The following NOC3L variants were observed in gnomAD, a reference collection of about 807,000 sequenced individuals.
NOC3L encodes NOC3 like DNA replication regulator.
Under a neutral mutation model 102.5 loss-of-function variants are expected in NOC3L, and 85 were observed. That is an observed-to-expected ratio of 0.83 (90% CI 0.70 to 0.99). The LOEUF is 0.99. NOC3L is among the 50% of genes least tolerant of loss of function. The pLI, the probability that NOC3L is intolerant of heterozygous loss-of-function variation, is 0.00. For missense variants in NOC3L, 878 were observed against 914.9 expected, an observed-to-expected ratio of 0.96 and a Z score of 0.52; for synonymous variants, 303 against 309.4, an observed-to-expected ratio of 0.98 and a Z score of 0.22.
chr10:94,319,173 T>G, the NOC3L span, among the ~76,000 whole-genome samples: 1 of 152,162 alleles, frequency 6.6e-6, no homozygotes, highest in Non-Finnish European at 1.5e-5. Context: ...CTAACAAGAT[T>G]TTTCTGATAA....
intron 13 of NOC3L, among the ~76,000 whole-genome samples, chr10:94,342,582 ACACG>A (rs1220285457): frequency 7.1e-6 from 1 of 139,952 alleles, no homozygotes; most frequent in Non-Finnish European, 1.6e-5. Flanking sequence ...ACACACACAC[ACACG>A]TGCGCAAGTA....
intron 20 of NOC3L, 43 bp downstream of exon 20, chr10:94,334,591 G>T: frequency 7.2e-7 from 1 of 1,388,014 alleles, no homozygotes; most frequent in South Asian, 1.2e-5. Flanking sequence ...GAGATACATT[G>T]GTTTCTATTT....
At chr10:94,347,903 T>TG (rs1385673574) in intron 10 of NOC3L, among the ~76,000 whole-genome samples, 9 of 151,952 alleles carry the variant, frequency 5.9e-5, no homozygotes, top group Non-Finnish European at 8.8e-5. Flanking sequence ...AAGTGAAAAA[T>TG]GGATTCTAAA....
intron 13 of NOC3L, among the ~76,000 whole-genome samples, chr10:94,343,052 C>A (rs1193839566): frequency 6.6e-6 from 1 of 150,814 alleles, no homozygotes; most frequent in Non-Finnish European, 1.5e-5. Flanking sequence ...TCACTGCAAC[C>A]CAGCCTGAGC....
intron 11 of NOC3L, among the ~76,000 whole-genome samples, chr10:94,345,701 CTATTT>C (rs2054335135): frequency 6.6e-6 from 1 of 152,090 alleles, no homozygotes; most frequent in South Asian, 2.1e-4. Context: ...ATTATTAAGT[CTATTT>C]TGATACTTCC....
At chr10:94,341,077 T>C (rs2054279266) in intron 14 of NOC3L, among the ~76,000 whole-genome samples, 1 of 151,168 alleles carries the variant, frequency 6.6e-6, no homozygotes, top group African/African-American at 2.4e-5. Context: ...AAGGCTAAAG[T>C]GGGAGGATCA....
chr10:94,351,366 G>A (rs1219836951), intron 8 of NOC3L, among the ~76,000 whole-genome samples: 1 of 151,964 alleles, frequency 6.6e-6, no homozygotes, highest in East Asian at 1.9e-4. Context: ...TAGGCCAAAT[G>A]AAAACACCTG....
intron 5 of NOC3L, 107 bp downstream of exon 5, chr10:94,356,428 C>A (rs1317558595): frequency 2.8e-6 from 2 of 710,440 alleles, no homozygotes; most frequent in Non-Finnish European, 5.0e-6. Flanking sequence ...TTGAAATGAG[C>A]AGTACTCCAA....
intron 5 of NOC3L, 125 bp from the exon 6 acceptor site, chr10:94,355,218 C>T (rs1270880993): frequency 1.4e-6 from 1 of 724,946 alleles, no homozygotes; most frequent in East Asian, 2.8e-5. Flanking sequence ...TACTACTACA[C>T]ATCATCTCCT....
In NOC3L at chr10:94,352,628, C is replaced by T. The variant is rs965837306; in HGVS notation, c.859-225G>A. 2.6e-5 allele frequency among the ~76,000 whole-genome samples: 4 copies of T among 152,186 alleles called. No individual in the cohort carries two copies. The East Asian group carries it at 5.8e-4, about 22-fold the overall frequency. ...CCTGAGGTCAGGTGTTTGAGACCAGCCTGGCCAACGTGGGGAAACCCCGTC... is the reference window on the plus strand; with the variant it reads ...CCTGAGGTCAGGTGTTTGAGACCAGTCTGGCCAACGTGGGGAAACCCCGTC... On this transcript the variant is annotated intron_variant, in intron 7 of 20. Transcript: ENST00000371361.
chr10:94,315,932 A>G, the NOC3L span, among the ~76,000 whole-genome samples: 1 of 152,022 alleles, frequency 6.6e-6, no homozygotes, highest in Admixed American at 6.6e-5. Context: ...TAAGTATCTT[A>G]CCCAATAATT....
In NOC3L at chr10:94,340,562, T is replaced by C. The variant is rs572533102; in HGVS notation, c.1645-66A>G. 33 of 1,390,384 alleles carry C rather than the reference T, an allele frequency of 2.4e-5. No homozygotes were observed. The South Asian group carries it at 3.7e-4, about 16-fold the overall frequency. The allele number at this position is 1,390,384 out of a possible 1,614,324, so 86.1% of individuals were successfully genotyped here. A position where few individuals can be genotyped will look rare whatever the true frequency, so the allele number is the denominator to read the frequency against. On this transcript the variant is annotated intron_variant, in intron 14 of 20. Coordinates refer to ENST00000371361, the MANE Select transcript of NOC3L (RefSeq NM_022451.11). ...AAGAATGGTAATTGCCATTTATAGC[T>C]TTAAAAAAGAACTTTAAGGCCAGGA...
chr10:94,346,014 TAAAC>T (rs1263753411), intron 11 of NOC3L, among the ~76,000 whole-genome samples: 1 of 152,112 alleles, frequency 6.6e-6, no homozygotes, highest in Non-Finnish European at 1.5e-5. Flanking sequence ...TTTCAGTAAA[TAAAC>T]AAGCGGCTGA....
chr10:94,349,998 T>A, intron 9 of NOC3L, 115 bp downstream of exon 9: 1 of 876,888 alleles, frequency 1.1e-6, no homozygotes, highest in Non-Finnish European at 1.8e-6. Flanking sequence ...GACCTCGTGA[T>A]CTGCCTGCCT....
At chr10:94,360,987 G>T (rs767719761) in intron 2 of NOC3L, among the ~76,000 whole-genome samples, 9 of 151,994 alleles carry the variant, frequency 5.9e-5, no homozygotes, top group Non-Finnish European at 1.2e-4. Flanking sequence ...CTCCAGCCTG[G>T]GTGACAGAAC....
At chr10:94,325,183 T>C in the NOC3L span, 1 of 1,017,476 alleles carries the variant, frequency 9.8e-7, no homozygotes, top group East Asian at 2.4e-5. Context: ...TAGTACAATG[T>C]CTTTTATCTT....
the NOC3L span, among the ~76,000 whole-genome samples, chr10:94,320,212 A>G: frequency 6.6e-6 from 1 of 152,234 alleles, no homozygotes; most frequent in Admixed American, 6.5e-5. Flanking sequence ...TATACATAGG[A>G]TACAATCTCA....
At chr10:94,317,955 G>C in the NOC3L span, among the ~76,000 whole-genome samples, 1 of 152,160 alleles carries the variant, frequency 6.6e-6, no homozygotes, top group African/African-American at 2.4e-5. Context: ...GTGCTTGCCT[G>C]ATAGAAGGTG....
downstream of NOC3L, chr10:94,330,745 A>C (rs1275497176): frequency 6.6e-6 from 1 of 152,100 alleles, no homozygotes; most frequent in African/African-American, 2.4e-5. Flanking sequence ...ACAAATGGCC[A>C]GCACAATCTG....
Sources: allele counts gnomAD v4.1 joint callset (sites outside exome capture counted in the v4.1 genomes callset), GRCh38; gene constraint gnomAD v4.1.1; transcripts MANE v1.5; gene names NCBI Gene and HGNC (gene_info 2026-07-23, HGNC 2026-07-21).